DPP10: variants seen among roughly 807,000 people sequenced by gnomAD.
DPP10 encodes the protein inactive dipeptidyl peptidase 10.
Under a neutral mutation model 120.9 loss-of-function variants are expected in DPP10, and 33 were observed. The ratio of observed to expected loss-of-function variants is 0.27; its 90% CI spans 0.21 to 0.37. DPP10 has a LOEUF of 0.37. Ranked by LOEUF, DPP10 falls within the 10% of genes least tolerant of loss-of-function variation. The pLI, the probability that DPP10 is intolerant of heterozygous loss-of-function variation, is 1.00. For missense variants in DPP10, 816 were observed against 942.8 expected, an observed-to-expected ratio of 0.87 and a Z score of 1.76; for synonymous variants, 337 against 326.1, an observed-to-expected ratio of 1.03 and a Z score of -0.36.
intron 5 of DPP10, among the ~76,000 whole-genome samples, chr2:115,563,044 A>T (rs893724492): frequency 6.6e-6 from 1 of 152,242 alleles, no homozygotes; most frequent in Non-Finnish European, 1.5e-5. Context: ...AATATAATTC[A>T]TGGGTATGTA....
At chr2:115,332,682 A>C (rs1408222928) in intron 2 of DPP10, among the ~76,000 whole-genome samples, 1 of 152,138 alleles carries the variant, frequency 6.6e-6, no homozygotes, top group African/African-American at 2.4e-5. Flanking sequence ...TTTGTTATGT[A>C]CCCAGTAGTC....
chr2:114,783,211 G>T (rs928400829), intron 1 of DPP10, among the ~76,000 whole-genome samples: 3 of 152,034 alleles, frequency 2.0e-5, no homozygotes, highest in Non-Finnish European at 4.4e-5. Flanking sequence ...ATATAAAACT[G>T]CATCAAAGCG....
At chr2:114,575,574 A>T (rs1426277280) in intron 1 of DPP10, among the ~76,000 whole-genome samples, 1 of 152,202 alleles carries the variant, frequency 6.6e-6, no homozygotes, top group African/African-American at 2.4e-5. Context: ...TATTAGGTAA[A>T]GATTGCATCT....
chr2:115,763,897 G>C (rs1316180566), intron 12 of DPP10, among the ~76,000 whole-genome samples: 2 of 152,120 alleles, frequency 1.3e-5, no homozygotes, highest in Non-Finnish European at 2.9e-5. Context: ...GTTTTCTCCA[G>C]TCTAGCTACA....
chr2:115,414,933 C>T lies in DPP10; in HGVS notation c.271+71021C>T, dbSNP rs370568093. On this transcript the variant is annotated intron_variant, in intron 3 of 25. Coordinates refer to ENST00000410059, the MANE Select transcript of DPP10 (RefSeq NM_020868.6). ...GTTGACCCCAATATCTCAATTTCCA[C>T]GGAGAAACCATATTTGTTAAGATGC... is the stretch of plus-strand genomic sequence containing the variant. 7.2e-5 allele frequency among the ~76,000 whole-genome samples: 11 copies of T among 152,216 alleles called. No homozygotes were observed. The East Asian group carries it at 9.7e-4, about 13-fold the overall frequency.
At chr2:114,447,198 C>T (rs982990445) in intron 1 of DPP10, among the ~76,000 whole-genome samples, 1 of 151,838 alleles carries the variant, frequency 6.6e-6, no homozygotes, top group Non-Finnish European at 1.5e-5. Flanking sequence ...GGTTTCACCA[C>T]ATTGGCCAGC....
chr2:115,257,523 T>G (rs1266543297), intron 1 of DPP10, among the ~76,000 whole-genome samples: 1 of 152,024 alleles, frequency 6.6e-6, no homozygotes, highest in African/African-American at 2.4e-5. Flanking sequence ...TTTAAACAAC[T>G]AGATTTTGTG....
chr2:115,201,685 A>G (rs1313293526), intron 1 of DPP10, among the ~76,000 whole-genome samples: 1 of 152,126 alleles, frequency 6.6e-6, no homozygotes, highest in Non-Finnish European at 1.5e-5. Context: ...TGTTATCCTC[A>G]AGTTATATGG....
In DPP10 at chr2:115,568,834, A is replaced by C. The variant is rs373727638; in HGVS notation, c.441+42862A>C. Among the ~76,000 whole-genome samples, 194 of 152,260 alleles carry C rather than the reference A, an allele frequency of 1.3e-3. 2 individuals carry two copies. Among genetic ancestry groups the C allele is most frequent in the African/African-American group, 4.6e-3 (191 of 41,542 alleles). Reference sequence around the variant, plus strand: ...AAAATACACTTTTTAAGTTTTTAATAATGTTGAGTCAGCATTAACAGAATA... The same window carrying C: ...AAAATACACTTTTTAAGTTTTTAATCATGTTGAGTCAGCATTAACAGAATA... On this transcript the variant is annotated intron_variant, in intron 5 of 25. Coordinates refer to ENST00000410059, the MANE Select transcript of DPP10 (RefSeq NM_020868.6).
chr2:114,690,912 G>T (rs1699698667), intron 1 of DPP10, among the ~76,000 whole-genome samples: 1 of 152,050 alleles, frequency 6.6e-6, no homozygotes, highest in Admixed American at 6.6e-5. Context: ...TTTGCACATA[G>T]ATTTTGTATC....
At chr2:115,128,474 T>C (rs989095738) in intron 1 of DPP10, among the ~76,000 whole-genome samples, 1 of 152,178 alleles carries the variant, frequency 6.6e-6, no homozygotes, top group African/African-American at 2.4e-5. Context: ...TCATAATTCC[T>C]CTGAGGAGCA....
rs935369548 is a variant in DPP10 at position 114,869,874 on chromosome 2, C to G, written c.60+427036C>G. Among the ~76,000 whole-genome samples the G allele has an allele frequency of 2.0e-5, 3 of 152,184 alleles. No homozygotes were observed. In the East Asian group the frequency reaches 5.8e-4, roughly 29 times the overall value. On this transcript the variant is annotated intron_variant, in intron 1 of 25. Transcript: ENST00000410059. ...AACGCATGCTTTTCAGTGCTGTCTT[C>G]TTCCCTTACTGGCTGTATGGACTTG...
chr2:114,567,211 T>C (rs1394910809), intron 1 of DPP10, among the ~76,000 whole-genome samples: 1 of 152,216 alleles, frequency 6.6e-6, no homozygotes, highest in East Asian at 1.9e-4. Flanking sequence ...TTTTGGCTTA[T>C]CTATCTTGGT....
intron 1 of DPP10, among the ~76,000 whole-genome samples, chr2:115,045,788 TG>T (rs1375330119): frequency 6.6e-6 from 1 of 152,218 alleles, no homozygotes; most frequent in East Asian, 1.9e-4. Context: ...TGCTTTCTTG[TG>T]TGAATAGTTG....
intron 1 of DPP10, among the ~76,000 whole-genome samples, chr2:115,252,784 TC>T (rs1293940296): frequency 6.6e-6 from 1 of 152,252 alleles, no homozygotes; most frequent in African/African-American, 2.4e-5. Context: ...AATTGATTTC[TC>T]TGATGCAGTG....
intron 1 of DPP10, among the ~76,000 whole-genome samples, chr2:114,796,643 T>C (rs1229939795): frequency 3.3e-5 from 5 of 152,198 alleles, no homozygotes; most frequent in African/African-American, 1.2e-4. Flanking sequence ...GTTATTTAGC[T>C]GTATAGCATT....
At chr2:115,162,209 G>C (rs1437180704) in intron 1 of DPP10, 1 of 1,555,994 alleles carries the variant, frequency 6.4e-7, no homozygotes. Context: ...GAGCCTCTGC[G>C]TGCGCTCCGG....
chr2:115,556,766 C>T (rs889168192), intron 5 of DPP10, among the ~76,000 whole-genome samples: 1 of 152,040 alleles, frequency 6.6e-6, no homozygotes, highest in Admixed American at 6.6e-5. Context: ...TTTTCTCCTC[C>T]AAGGTAACGT....
intron 1 of DPP10, among the ~76,000 whole-genome samples, chr2:114,637,420 A>G (rs1174826012): frequency 6.6e-6 from 1 of 151,884 alleles, no homozygotes; most frequent in East Asian, 1.9e-4. Flanking sequence ...ACTGGGGCCC[A>G]GAAGCTAATT....
Sources: gnomAD v4.1 joint callset for allele counts (sites outside exome capture counted in the v4.1 genomes callset) on GRCh38, gnomAD v4.1.1 for gene constraint, MANE v1.5 for transcripts, NCBI Gene and HGNC (gene_info 2026-07-23, HGNC 2026-07-21) for gene names.